DNAH7: variants seen among roughly 807,000 people sequenced by gnomAD.
The protein encoded by DNAH7 is dynein axonemal heavy chain 7.
A neutral mutation model predicts 444.6 loss-of-function variants in DNAH7; 397 were observed. The observed-to-expected ratio is 0.89, with a 90% CI of 0.82 to 0.97. The LOEUF (loss-of-function observed/expected upper bound fraction) is 0.97, where lower values mean the gene tolerates loss of function less well. Among genes scored for constraint, DNAH7 ranks in the 50% least tolerant of loss-of-function variants. The probability of loss-of-function intolerance (pLI) is 0.00; values close to 1 mark genes in which losing one functional copy is unlikely to be tolerated. For missense variants in DNAH7, 4,902 were observed against 4,800.8 expected, an observed-to-expected ratio of 1.02 and a Z score of -0.62; for synonymous variants, 1,636 against 1,624.4, an observed-to-expected ratio of 1.01 and a Z score of -0.17.
chr2:195,988,172 C>G lies in DNAH7; in HGVS notation c.1411G>C (p.Ala471Pro). 1 of 1,613,318 alleles carries G rather than the reference C, an allele frequency of 6.2e-7. No homozygotes were observed. The highest frequency in any genetic ancestry group is 8.5e-7 in the Non-Finnish European group (1 of 1,179,628). Reference sequence around the variant, plus strand: ...ACTTCCTTGATCTTTTCTTTGTGAGCATCTACAATTTCATTCAGAATTATG... The same window carrying G: ...ACTTCCTTGATCTTTTCTTTGTGAGGATCTACAATTTCATTCAGAATTATG... ...KPIILNEIVD[A>P]HKEKIKEVIM... Residue 471 changes from alanine to proline, a missense_variant, in exon 13 of 65, where the codon GCT becomes CCT. Coordinates refer to ENST00000312428, the MANE Select transcript of DNAH7 (RefSeq NM_018897.3).
intron 48 of DNAH7, among the ~76,000 whole-genome samples, chr2:195,830,101 G>C (rs914575688): frequency 4.0e-5 from 6 of 151,834 alleles, no homozygotes; most frequent in African/African-American, 1.5e-4. Context: ...AAAGTAATAG[G>C]AGCAAATTCA....
chr2:195,989,832 C>A (rs897786705), intron 12 of DNAH7, among the ~76,000 whole-genome samples: 2 of 152,200 alleles, frequency 1.3e-5, no homozygotes, highest in African/African-American at 4.8e-5. Flanking sequence ...GTTCCCTCTT[C>A]ACTTTCCATC....
At chr2:195,877,906 A>C (rs1157878857) in intron 36 of DNAH7, among the ~76,000 whole-genome samples, 1 of 152,244 alleles carries the variant, frequency 6.6e-6, no homozygotes, top group African/African-American at 2.4e-5. Context: ...TGCCAGTTAG[A>C]ATAGCAAAAA....
intron 29 of DNAH7, among the ~76,000 whole-genome samples, chr2:195,895,678 CT>C (rs1343260336): frequency 6.6e-6 from 1 of 152,096 alleles, no homozygotes; most frequent in Non-Finnish European, 1.5e-5. Context: ...TTCCTGTAAC[CT>C]TTTGTAATCC....
chr2:195,759,833 CA>C (rs1694266130), intron 61 of DNAH7, among the ~76,000 whole-genome samples: 1 of 152,014 alleles, frequency 6.6e-6, no homozygotes, highest in Admixed American at 6.6e-5. Context: ...GCCTGGTTGA[CA>C]AAGTGAGACC....
intron 19 of DNAH7, among the ~76,000 whole-genome samples, chr2:195,955,224 G>A (rs1244745896): frequency 6.6e-6 from 1 of 152,184 alleles, no homozygotes; most frequent in Non-Finnish European, 1.5e-5. Flanking sequence ...AAGGGATCCA[G>A]TTTCAGCTTT....
chr2:196,046,815 G>A (rs934476433), intron 5 of DNAH7, among the ~76,000 whole-genome samples: 7 of 152,136 alleles, frequency 4.6e-5, no homozygotes, highest in African/African-American at 1.7e-4. Flanking sequence ...TACACCCTGA[G>A]AATCATAACG....
intron 62 of DNAH7, among the ~76,000 whole-genome samples, chr2:195,755,762 T>C (rs866055707): frequency 1.3e-5 from 2 of 152,352 alleles, no homozygotes; most frequent in South Asian, 4.1e-4. Flanking sequence ...ATTGAGGTCA[T>C]TACTGACTTG....
intron 54 of DNAH7, among the ~76,000 whole-genome samples, chr2:195,800,836 T>C (rs937346758): frequency 6.6e-6 from 1 of 152,110 alleles, no homozygotes; most frequent in Non-Finnish European, 1.5e-5. Context: ...CAAAAGTAAA[T>C]CTAGGAACAA....
chr2:195,844,975 C>A, intron 47 of DNAH7, 27 bp downstream of exon 47: 2 of 1,594,352 alleles, frequency 1.3e-6, no homozygotes, highest in South Asian at 1.1e-5. Context: ...TAATAAAGAC[C>A]ATTTGTGAGA....
Position 195,872,451 on chromosome 2 carries a change from T to C in DNAH7, c.6432A>G (p.Glu2144=). The change falls in exon 40 of 65, where the codon GAA becomes GAG. Residue 2144 remains glutamate (E), a synonymous_variant. Transcript: ENST00000312428. ...HLEICYKFPD[E]FLDLTTQIVN... ...CGATTTGTGTGGTCAAATCTAGAAA[T>C]TCATCTGGAAATTTATAACTTAAAA... 6.3e-7 allele frequency: 1 copy of C among 1,589,922 alleles called. No homozygotes were observed. Among genetic ancestry groups the C allele is most frequent in the Non-Finnish European group, 8.6e-7 (1 of 1,168,778 alleles).
chr2:195,971,765 G>A (rs1010239086), intron 16 of DNAH7, among the ~76,000 whole-genome samples: 1 of 151,908 alleles, frequency 6.6e-6, no homozygotes, highest in African/African-American at 2.4e-5. Context: ...ATGGAAGACT[G>A]CCCCCTCCCC....
chr2:195,828,843 A>G (rs1365005667), intron 48 of DNAH7, among the ~76,000 whole-genome samples: 4 of 151,994 alleles, frequency 2.6e-5, no homozygotes, highest in Non-Finnish European at 4.4e-5. Context: ...ATAAGGTTTA[A>G]TTTATAGTGC....
intron 46 of DNAH7, among the ~76,000 whole-genome samples, chr2:195,847,133 T>TTA (rs986364097): frequency 1.8e-4 from 26 of 147,174 alleles, no homozygotes; most frequent in Admixed American, 1.0e-3. Flanking sequence ...TATATATATC[T>TTA]TATATATATA....
At chr2:195,992,364 C>G (rs1384593714) in intron 12 of DNAH7, among the ~76,000 whole-genome samples, 2 of 152,170 alleles carry the variant, frequency 1.3e-5, no homozygotes, top group Non-Finnish European at 2.9e-5. Context: ...GGCAGATAGT[C>G]TTCACCTTTG....
At chr2:195,899,766 T>C (rs1686584565) in intron 28 of DNAH7, among the ~76,000 whole-genome samples, 2 of 152,218 alleles carry the variant, frequency 1.3e-5, no homozygotes, top group Non-Finnish European at 2.9e-5. Flanking sequence ...TTCATGGTTC[T>C]ACAATATACT....
At chr2:195,919,926 T>C (rs1394368677) in intron 24 of DNAH7, among the ~76,000 whole-genome samples, 1 of 152,108 alleles carries the variant, frequency 6.6e-6, no homozygotes, top group African/African-American at 2.4e-5. Flanking sequence ...CAAGTAGGCT[T>C]GTGTATAGCA....
intron 42 of DNAH7, among the ~76,000 whole-genome samples, chr2:195,860,410 C>A (rs1412263567): frequency 4.0e-5 from 6 of 151,724 alleles, no homozygotes; most frequent in Non-Finnish European, 7.4e-5. Flanking sequence ...CACAGAAAGA[C>A]AATTATCTTG....
chr2:195,825,821 T>C (rs1697716693), intron 48 of DNAH7, among the ~76,000 whole-genome samples: 1 of 152,128 alleles, frequency 6.6e-6, no homozygotes, highest in Admixed American at 6.6e-5. Flanking sequence ...TGACAGGTAT[T>C]TGGATCTCAA....
Sources: gnomAD v4.1 joint callset for allele counts (sites outside exome capture counted in the v4.1 genomes callset) on GRCh38, gnomAD v4.1.1 for gene constraint, MANE v1.5 for transcripts, NCBI Gene and HGNC (gene_info 2026-07-23, HGNC 2026-07-21) for gene names.